The following MUC13 variants were observed in gnomAD, a reference collection of about 807,000 sequenced individuals.
The protein encoded by MUC13 is mucin-13.
MUC13 carries 32 observed loss-of-function variants against 48.3 expected under a neutral mutation model. The observed-to-expected ratio is 0.66, with a 90% CI of 0.50 to 0.89. MUC13 has a LOEUF of 0.89. Among genes scored for constraint, MUC13 ranks in the 40% least tolerant of loss-of-function variants. The probability of loss-of-function intolerance (pLI) is 0.00; values close to 1 mark genes in which losing one functional copy is unlikely to be tolerated. For synonymous variants in MUC13, 199 were observed against 224.9 expected, an observed-to-expected ratio of 0.88 and a Z score of 1.03; for missense variants, 571 against 622.8, an observed-to-expected ratio of 0.92 and a Z score of 0.88.
chr3:124,909,350 G>T (rs956070218), intron 10 of MUC13, among the ~76,000 whole-genome samples: 1 of 152,136 alleles, frequency 6.6e-6, no homozygotes, highest in Admixed American at 6.6e-5. Context: ...CACAGCATTT[G>T]CCTCCCTGTT....
intron 4 of MUC13, among the ~76,000 whole-genome samples, chr3:124,921,295 G>A (rs547488751): frequency 7.2e-5 from 11 of 152,004 alleles, no homozygotes; most frequent in African/African-American, 2.4e-4. Flanking sequence ...GATTACAGGC[G>A]CCTGCCACCA....
chr3:124,911,758 T>C (rs1444678383), intron 9 of MUC13, among the ~76,000 whole-genome samples: 1 of 152,138 alleles, frequency 6.6e-6, no homozygotes, highest in South Asian at 2.1e-4. Flanking sequence ...ATTTTTGGAA[T>C]TACTGGTCTT....
chr3:124,931,160 C>T lies in MUC13; in HGVS notation c.53-3167G>A, dbSNP rs143377648. 7.3e-3 allele frequency among the ~76,000 whole-genome samples: 1,113 copies of T among 152,156 alleles called. 11 individuals carry two copies. The highest frequency in any genetic ancestry group is 9.5e-3 in the Non-Finnish European group (644 of 68,000). On this transcript the variant is annotated intron_variant, in intron 1 of 11. Coordinates refer to ENST00000616727, the MANE Select transcript of MUC13 (RefSeq NM_033049.4). ...TTTTTAAAAATTTTCAGGCCAGGAG[C>T]GGTGGCTCATGTCTGTAATCCCGGC...
At chr3:124,932,291 C>A (rs765281779) in intron 1 of MUC13, among the ~76,000 whole-genome samples, 12 of 151,914 alleles carry the variant, frequency 7.9e-5, no homozygotes, top group Non-Finnish European at 1.8e-4. Flanking sequence ...CCAGGCTGGG[C>A]GTGGTGGCTC....
At chr3:124,930,345 G>C (rs1324113098) in intron 1 of MUC13, among the ~76,000 whole-genome samples, 3 of 59,238 alleles carry the variant, frequency 5.1e-5, no homozygotes, top group Non-Finnish European at 1.3e-4. Context: ...GCTGTGAATA[G>C]CTACGATTTT....
At chr3:124,919,337 CA>C (rs566468497) in intron 5 of MUC13, among the ~76,000 whole-genome samples, 21,866 of 91,130 alleles carry the variant, frequency 0.24, 1,714 homozygotes, top group Middle Eastern at 0.31. Context: ...GATTCCATCT[CA>C]AAAAAAAAAA....
chr3:124,927,499 T>A, intron 2 of MUC13, 33 bp downstream of exon 2: 2 of 1,593,662 alleles, frequency 1.3e-6, no homozygotes, highest in Non-Finnish European at 1.7e-6. Flanking sequence ...GTACTCTCCA[T>A]CCTTGGGGAG....
intron 3 of MUC13, among the ~76,000 whole-genome samples, chr3:124,922,544 T>C (rs72976437): frequency 0.056 from 8,529 of 151,448 alleles, 307 homozygotes; most frequent in African/African-American, 0.1. Flanking sequence ...TGCCATATTT[T>C]TTTTCTTCTT....
chr3:124,928,827 C>T (rs1485265598), intron 1 of MUC13, among the ~76,000 whole-genome samples: 1 of 152,164 alleles, frequency 6.6e-6, no homozygotes, highest in Non-Finnish European at 1.5e-5. Context: ...AGTGACTACC[C>T]AGAAATGGAC....
At chr3:124,920,608 C>A (rs896461593) in intron 4 of MUC13, among the ~76,000 whole-genome samples, 2 of 152,172 alleles carry the variant, frequency 1.3e-5, no homozygotes, top group Non-Finnish European at 2.9e-5. Context: ...TCACTGGTTC[C>A]CCCAGGAACA....
chr3:124,909,485 C>CGTGTGTGTGTGT (rs71148156), intron 10 of MUC13, among the ~76,000 whole-genome samples: 23 of 148,342 alleles, frequency 1.6e-4, no homozygotes, highest in African/African-American at 4.2e-4. Context: ...TGTGTGCTTG[C>CGTGTGTGTGTGT]GTGTGTGTGT....
chr3:124,928,815 G>A (rs564198041), intron 1 of MUC13, among the ~76,000 whole-genome samples: 36 of 152,320 alleles, frequency 2.4e-4, no homozygotes, highest in Middle Eastern at 3.4e-3. Context: ...ACAAGGTGGC[G>A]CAGTGACTAC....
At chr3:124,923,980 C>T (rs185613233) in intron 2 of MUC13, among the ~76,000 whole-genome samples, 4 of 152,254 alleles carry the variant, frequency 2.6e-5, no homozygotes, top group East Asian at 3.9e-4. Flanking sequence ...CCCTCCAGAA[C>T]CTTGAAGCAT....
intron 3 of MUC13, 35 bp from the exon 4 acceptor site, chr3:124,922,338 A>T (rs1356429276): frequency 6.3e-7 from 1 of 1,599,798 alleles, no homozygotes; most frequent in Non-Finnish European, 8.5e-7. Flanking sequence ...GTACTATTTG[A>T]TGAAAAGAGG....
intron 3 of MUC13, among the ~76,000 whole-genome samples, chr3:124,922,686 G>T (rs1935621466): frequency 0.018 from 1 of 56 alleles, no homozygotes; most frequent in Non-Finnish European, 0.045. Flanking sequence ...GTCACTGCAG[G>T]CTTGAACTCC....
At chr3:124,922,444 A>G in intron 3 of MUC13, 141 bp from the exon 4 acceptor site, 2 of 1,132,456 alleles carry the variant, frequency 1.8e-6, no homozygotes, top group Non-Finnish European at 2.4e-6. Flanking sequence ...TTTAAAAGTT[A>G]CCCATCATCC....
At chr3:124,907,991 C>A (rs1202380114) in intron 11 of MUC13, among the ~76,000 whole-genome samples, 156 bp downstream of exon 11, 4 of 152,132 alleles carry the variant, frequency 2.6e-5, no homozygotes, top group Non-Finnish European at 4.4e-5. Context: ...CAGCAGGGAA[C>A]TTCCTTTTTG....
At chr3:124,926,780 G>T (rs1935695108) in intron 2 of MUC13, among the ~76,000 whole-genome samples, 1 of 152,182 alleles carries the variant, frequency 6.6e-6, no homozygotes, top group Non-Finnish European at 1.5e-5. Context: ...GTTAACTGTG[G>T]CTGCTTTCAT....
chr3:124,924,684 T>C (rs1462428394), intron 2 of MUC13, among the ~76,000 whole-genome samples: 2 of 152,214 alleles, frequency 1.3e-5, no homozygotes, highest in Admixed American at 1.3e-4. Context: ...AGAAGTTGCC[T>C]CTGGGGAAGG....
Sources: allele counts gnomAD v4.1 joint callset (sites outside exome capture counted in the v4.1 genomes callset), GRCh38; gene constraint gnomAD v4.1.1; transcripts MANE v1.5; gene names NCBI Gene and HGNC (gene_info 2026-07-23, HGNC 2026-07-21).